Variants in TMEM123 observed in about 807,000 individuals in gnomAD.
The protein encoded by TMEM123 is transmembrane protein 123.
A neutral mutation model predicts 19.7 loss-of-function variants in TMEM123; 16 were observed. The observed-to-expected ratio is 0.81, with a 90% CI of 0.55 to 1.23. The LOEUF (loss-of-function observed/expected upper bound fraction) is 1.23, where lower values mean the gene tolerates loss of function less well. TMEM123 is among the 50% of genes most tolerant of loss of function. The probability of loss-of-function intolerance (pLI) is 0.00; values close to 1 mark genes in which losing one functional copy is unlikely to be tolerated. For synonymous variants in TMEM123, 118 were observed against 99.4 expected (o/e 1.19, Z -1.12); for missense variants, 313 against 257.8 (o/e 1.21, Z -1.47).
At chr11:102,418,279 A>T (rs1952057903) in intron 2 of TMEM123, among the ~76,000 whole-genome samples, 2 of 152,156 alleles carry the variant, frequency 1.3e-5, no homozygotes, top group Non-Finnish European at 2.9e-5. Context: ...ATATTTGCAA[A>T]TTATGCATCT....
intron 2 of TMEM123, among the ~76,000 whole-genome samples, chr11:102,443,257 C>G (rs752766893): frequency 6.6e-6 from 1 of 152,094 alleles, no homozygotes; most frequent in East Asian, 1.9e-4. Flanking sequence ...TAAGCCAAAA[C>G]AATAAAGCTG....
chr11:102,439,252 C>A (rs1407475748), intron 2 of TMEM123, among the ~76,000 whole-genome samples: 1 of 152,106 alleles, frequency 6.6e-6, no homozygotes, highest in Non-Finnish European at 1.5e-5. Flanking sequence ...CAGTGGTTCT[C>A]CCAGCACAGA....
chr11:102,430,460 T>C (rs138140468), intron 2 of TMEM123, among the ~76,000 whole-genome samples: 101 of 152,328 alleles, frequency 6.6e-4, no homozygotes, highest in African/African-American at 2.4e-3. Flanking sequence ...CTCTGAAGGC[T>C]GGTATCCCAG....
At chr11:102,442,630 T>G (rs1392966190) in intron 2 of TMEM123, among the ~76,000 whole-genome samples, 2 of 152,164 alleles carry the variant, frequency 1.3e-5, no homozygotes, top group African/African-American at 2.4e-5. Context: ...CTCTGAAAAC[T>G]GGCACAAGAC....
intron 1 of TMEM123, among the ~76,000 whole-genome samples, chr11:102,451,873 C>T (rs1301672974): frequency 6.6e-6 from 1 of 152,228 alleles, no homozygotes; most frequent in African/African-American, 2.4e-5. Flanking sequence ...CTGCCGCGCG[C>T]CTCGGCCGGG....
At chr11:102,440,550 G>C (rs1005238061) in intron 2 of TMEM123, among the ~76,000 whole-genome samples, 4 of 152,156 alleles carry the variant, frequency 2.6e-5, no homozygotes, top group African/African-American at 9.7e-5. Flanking sequence ...CCTAAAGGAA[G>C]CACTAAACAT....
intron 2 of TMEM123, among the ~76,000 whole-genome samples, chr11:102,431,780 C>T (rs1857712542): frequency 6.6e-6 from 1 of 152,160 alleles, no homozygotes; most frequent in Admixed American, 6.5e-5. Flanking sequence ...GAATTGTAAT[C>T]CCCATGTGTC....
chr11:102,426,255 T>C (rs1439766452), intron 2 of TMEM123, among the ~76,000 whole-genome samples: 1 of 152,224 alleles, frequency 6.6e-6, no homozygotes, highest in Non-Finnish European at 1.5e-5. Context: ...TCCTGACCAC[T>C]GTGTTTAGAT....
At chr11:102,432,130 G>A (rs1464855753) in intron 2 of TMEM123, among the ~76,000 whole-genome samples, 1 of 152,214 alleles carries the variant, frequency 6.6e-6, no homozygotes, top group Non-Finnish European at 1.5e-5. Context: ...AGCTGAAAAT[G>A]TGGAAGCGAC....
At chr11:102,442,930 T>C (rs1213123472) in intron 2 of TMEM123, among the ~76,000 whole-genome samples, 2 of 152,062 alleles carry the variant, frequency 1.3e-5, no homozygotes, top group African/African-American at 4.8e-5. Flanking sequence ...AAATCATGAG[T>C]GAACTCCCAT....
At chr11:102,411,058 A>T (rs976160060) in intron 2 of TMEM123, among the ~76,000 whole-genome samples, 2 of 152,104 alleles carry the variant, frequency 1.3e-5, no homozygotes, top group African/African-American at 4.8e-5. Context: ...GTCTTTGGTT[A>T]TTCATGAGGA....
chr11:102,401,202 C>G (rs1770958418), intron 4 of TMEM123, among the ~76,000 whole-genome samples: 1 of 152,154 alleles, frequency 6.6e-6, no homozygotes, highest in Admixed American at 6.5e-5. Flanking sequence ...CACAGACATA[C>G]TAAGTCAAAA....
intron 2 of TMEM123, among the ~76,000 whole-genome samples, chr11:102,431,813 T>C (rs185904822): frequency 2.0e-5 from 3 of 152,310 alleles, no homozygotes; most frequent in Admixed American, 2.0e-4. Context: ...CGGTGGTAGG[T>C]AACTGAATCA....
In TMEM123 at chr11:102,402,199, G is replaced by A. The variant is rs755852139; in HGVS notation, c.165C>T (p.Leu55=). ...HNSSANSTET[L]QHVPSDHTNE... ...TTGTATGGTCAGAAGGCACATGTTG[G>A]AGAGTCTCTGCAATAATATCAAGAA... The change falls in exon 3 of 5, where the codon CTC becomes CTT. Residue 55 remains leucine (L), a synonymous_variant. Coordinates refer to ENST00000398136, the MANE Select transcript of TMEM123 (RefSeq NM_052932.3). The A allele has an allele frequency of 6.2e-7, 1 of 1,613,482 alleles. No individual in the cohort carries two copies. The highest frequency in any genetic ancestry group is 2.2e-5 in the East Asian group (1 of 44,874).
intron 2 of TMEM123, among the ~76,000 whole-genome samples, chr11:102,418,923 C>T: frequency 6.6e-6 from 1 of 152,186 alleles, no homozygotes; most frequent in Non-Finnish European, 1.5e-5. Flanking sequence ...AAATCAAATA[C>T]TGCATGTTCT....
At chr11:102,407,491 A>C (rs1463782574) in intron 2 of TMEM123, among the ~76,000 whole-genome samples, 1 of 152,204 alleles carries the variant, frequency 6.6e-6, no homozygotes, top group Non-Finnish European at 1.5e-5. Context: ...CCAAATTCAT[A>C]CTTTGAAGTC....
intron 4 of TMEM123, among the ~76,000 whole-genome samples, chr11:102,399,291 A>C (rs916420750): frequency 6.6e-6 from 1 of 152,162 alleles, no homozygotes; most frequent in African/African-American, 2.4e-5. Flanking sequence ...TAAAACATTT[A>C]AAAATTAGCC....
At chr11:102,448,978 A>G in intron 1 of TMEM123, 110 bp from the exon 2 acceptor site, 1 of 1,044,500 alleles carries the variant, frequency 9.6e-7, no homozygotes, top group Non-Finnish European at 1.5e-6. Flanking sequence ...AGGAGGGTAG[A>G]TTATTCCACA....
intron 2 of TMEM123, among the ~76,000 whole-genome samples, chr11:102,441,197 AT>A (rs1319824881): frequency 2.0e-5 from 3 of 152,220 alleles, no homozygotes; most frequent in Non-Finnish European, 4.4e-5. Flanking sequence ...AGCGGACCTA[AT>A]AGACATCTAC....
Sources: gnomAD v4.1 joint callset for allele counts (sites outside exome capture counted in the v4.1 genomes callset) on GRCh38, gnomAD v4.1.1 for gene constraint, MANE v1.5 for transcripts, NCBI Gene and HGNC (gene_info 2026-07-23, HGNC 2026-07-21) for gene names.